Variants in MREG observed in about 807,000 individuals in gnomAD.
The protein encoded by MREG is melanoregulin, also known as dilute suppressor protein homolog.
Under a neutral mutation model 28.5 loss-of-function variants are expected in MREG, and 31 were observed. The observed-to-expected ratio is 1.09, with a 90% confidence interval of 0.82 to 1.47. MREG has a LOEUF of 1.47. Among genes scored for constraint, MREG ranks in the 40% most tolerant of loss-of-function variants. The pLI, the probability that MREG is intolerant of heterozygous loss-of-function variation, is 0.00. For missense variants in MREG, 256 were observed against 257.4 expected (o/e 0.99, Z 0.04); for synonymous variants, 106 against 95.2 (o/e 1.11, Z -0.66).
rs766329119 is a variant in MREG, at chr2:215,943,441, T to TC, written c.*1421dup. 1.3e-5 allele frequency: 6 copies of TC among 456,366 alleles called. No homozygotes were observed. Among genetic ancestry groups the TC allele is most frequent in the Non-Finnish European group, 1.3e-5 (3 of 226,948 alleles). 28.3% of individuals were successfully genotyped at this position (456,366 alleles called of 1,614,324 possible). ...CATATGTGCAAGTCTGCATGAGAGG[T>TC]CCCCCCACAGGTGCAGCTGCCAGCC... On this transcript the variant is annotated 3_prime_UTR_variant, in exon 5 of 5. Coordinates refer to ENST00000263268, the MANE Select transcript of MREG (RefSeq NM_018000.3).
intron 2 of MREG, among the ~76,000 whole-genome samples, chr2:215,989,362 G>A (rs1693663364): frequency 6.6e-6 from 1 of 152,190 alleles, no homozygotes; most frequent in African/African-American, 2.4e-5. Context: ...TGAACAAAAA[G>A]AGCATCCACA....
At chr2:215,948,280 G>C (rs1692373389) in intron 2 of MREG, among the ~76,000 whole-genome samples, 1 of 152,200 alleles carries the variant, frequency 6.6e-6, no homozygotes, top group South Asian at 2.1e-4. Context: ...ACTGTGTTTT[G>C]TTACGACGGC....
chr2:215,984,827 T>A (rs1693524600), intron 2 of MREG, among the ~76,000 whole-genome samples: 1 of 152,226 alleles, frequency 6.6e-6, no homozygotes, highest in Non-Finnish European at 1.5e-5. Context: ...AGACCAAATG[T>A]AGCTGTCATC....
At chr2:216,032,444 C>T (rs1297520709) in intron 1 of MREG, among the ~76,000 whole-genome samples, 1 of 152,156 alleles carries the variant, frequency 6.6e-6, no homozygotes, top group East Asian at 1.9e-4. Context: ...TTCTTGCAAC[C>T]CTCCGTTGAC....
Position 215,944,762 on chromosome 2 carries a change from C to T in MREG, c.*101G>A. On this transcript the variant is annotated 3_prime_UTR_variant, in exon 5 of 5. Coordinates refer to ENST00000263268, the MANE Select transcript of MREG (RefSeq NM_018000.3). ...GAATTCAGTATCATTTTTCACTAAGCAAACTCTATTTGCTCACTCTCTTCT... is the reference window on the plus strand; with the variant it reads ...GAATTCAGTATCATTTTTCACTAAGTAAACTCTATTTGCTCACTCTCTTCT... The T allele has an allele frequency of 8.1e-7, 1 of 1,231,538 alleles. No homozygotes were observed. The highest frequency in any genetic ancestry group is 1.1e-6 in the Non-Finnish European group (1 of 907,850). The allele number at this position is 1,231,538 out of a possible 1,614,324, so 76.3% of individuals were successfully genotyped here.
chr2:215,985,859 T>C (rs3770545), intron 2 of MREG, among the ~76,000 whole-genome samples: 26,705 of 152,154 alleles, frequency 0.18, 2,594 homozygotes, highest in East Asian at 0.4. Flanking sequence ...ACAAAAAATA[T>C]CTAGGGTTCC....
intron 2 of MREG, among the ~76,000 whole-genome samples, chr2:215,969,436 C>A (rs1269469846): frequency 6.6e-6 from 1 of 152,166 alleles, no homozygotes; most frequent in Non-Finnish European, 1.5e-5. Flanking sequence ...TACAAGCTAA[C>A]AAGTTCTCCT....
At chr2:215,983,213 T>C (rs1015981418) in intron 2 of MREG, among the ~76,000 whole-genome samples, 1 of 152,228 alleles carries the variant, frequency 6.6e-6, no homozygotes, top group Non-Finnish European at 1.5e-5. Flanking sequence ...ATGTAGCCAA[T>C]GTTCACCCAC....
At chr2:215,979,118 C>T (rs1364537410) in intron 2 of MREG, among the ~76,000 whole-genome samples, 2 of 152,178 alleles carry the variant, frequency 1.3e-5, no homozygotes, top group African/African-American at 2.4e-5. Context: ...TGCTATCTTA[C>T]ATTTTTTTCT....
chr2:216,017,465 T>A (rs1433306725), upstream of MREG, among the ~76,000 whole-genome samples: 1 of 152,216 alleles, frequency 6.6e-6, no homozygotes, highest in Non-Finnish European at 1.5e-5. Context: ...GATCACATTT[T>A]GACAATCCTA....
chr2:215,956,119 A>G (rs1692622304), intron 2 of MREG, among the ~76,000 whole-genome samples: 1 of 152,238 alleles, frequency 6.6e-6, no homozygotes, highest in East Asian at 1.9e-4. Flanking sequence ...AAATAAAAAT[A>G]CATCCTACTT....
At chr2:215,983,093 T>G (rs1039793614) in intron 2 of MREG, among the ~76,000 whole-genome samples, 8 of 152,156 alleles carry the variant, frequency 5.3e-5, no homozygotes, top group African/African-American at 1.9e-4. Context: ...AATCTGGACC[T>G]CAAAGAAAGA....
At chr2:216,031,478 A>AAAGG (rs1694695576) in intron 1 of MREG, among the ~76,000 whole-genome samples, 1 of 133,130 alleles carries the variant, frequency 7.5e-6, no homozygotes, top group Admixed American at 8.3e-5. Context: ...AAAGAAAGAG[A>AAAGG]AAGAAAGAAA....
intron 2 of MREG, among the ~76,000 whole-genome samples, chr2:215,996,018 A>T (rs1169233110): frequency 6.6e-6 from 1 of 152,230 alleles, no homozygotes; most frequent in Admixed American, 6.5e-5. Flanking sequence ...GGTTTAAGCC[A>T]TTTAAGATGA....
At position 215,996,390 on chromosome 2, in the gene MREG, A is replaced by G. The variant is rs779165561; in HGVS notation, c.171T>C (p.His57=). Residue 57 remains histidine (H), a synonymous_variant, in exon 2 of 5, where the codon CAT becomes CAC. Transcript: ENST00000263268. ...DDEKNLWSMP[H]DVSHTEADDD... is the part of the protein sequence containing the mutation. ...CGTCTGCCTCTGTGTGGGACACATC[A>G]TGGGGCATACTCCATAAATTCTTCT... 7.4e-6 allele frequency: 12 copies of G among 1,613,630 alleles called. No homozygotes were observed. Among genetic ancestry groups the G allele is most frequent in the South Asian group, 2.2e-5 (2 of 91,084 alleles).
At chr2:216,012,041 T>C (rs1694325237) in intron 1 of MREG, among the ~76,000 whole-genome samples, 1 of 152,232 alleles carries the variant, frequency 6.6e-6, no homozygotes, top group Non-Finnish European at 1.5e-5. Flanking sequence ...ATGAGTTACA[T>C]GTTTATATAC....
intron 2 of MREG, among the ~76,000 whole-genome samples, chr2:215,992,270 A>G (rs1343912176): frequency 6.6e-6 from 1 of 152,228 alleles, no homozygotes; most frequent in Non-Finnish European, 1.5e-5. Flanking sequence ...GTAATCCCTC[A>G]CATAAACAGA....
rs534355977 is a variant in MREG at position 215,996,038 on chromosome 2, T to C, written c.255+268A>G. 9.8e-5 allele frequency among the ~76,000 whole-genome samples: 15 copies of C among 152,352 alleles called. No homozygotes were observed. In the South Asian group the frequency reaches 3.1e-3, roughly 32 times the overall value. On this transcript the variant is annotated intron_variant, in intron 2 of 4. Coordinates refer to ENST00000263268, the MANE Select transcript of MREG (RefSeq NM_018000.3). ...AAGCCATTTAAGATGACAAACTATC[T>C]TCACACTCTTCAACAGCATTGCCTT...
intron 2 of MREG, among the ~76,000 whole-genome samples, chr2:215,959,540 A>C (rs955130156): frequency 1.3e-5 from 2 of 152,086 alleles, no homozygotes; most frequent in African/African-American, 4.8e-5. Flanking sequence ...TAAATTCTCC[A>C]ATCTTCTCCC....
Sources: allele counts gnomAD v4.1 joint callset (sites outside exome capture counted in the v4.1 genomes callset), GRCh38; gene constraint gnomAD v4.1.1; transcripts MANE v1.5; gene names NCBI Gene and HGNC (gene_info 2026-07-23, HGNC 2026-07-21).